The following GALNT5 variants were observed in gnomAD, a reference collection of about 807,000 sequenced individuals.
GALNT5 encodes the protein UDP-GalNAc:polypeptide N-acetylgalactosaminyltransferase 5.
Under a neutral mutation model 85.4 loss-of-function variants are expected in GALNT5, and 72 were observed. The ratio of observed to expected loss-of-function variants is 0.84; its 90% CI spans 0.70 to 1.03. The LOEUF (loss-of-function observed/expected upper bound fraction) is 1.03. Ranked by LOEUF, GALNT5 falls within the 50% of genes least tolerant of loss-of-function variation. The pLI is 0.00. For missense variants in GALNT5, 1,137 were observed against 1,135.5 expected, an observed-to-expected ratio of 1.00 and a Z score of -0.02; for synonymous variants, 404 against 397.0, an observed-to-expected ratio of 1.02 and a Z score of -0.21.
intron 6 of GALNT5, among the ~76,000 whole-genome samples, chr2:157,300,205 T>A (rs1558902603): frequency 6.6e-6 from 1 of 152,208 alleles, no homozygotes; most frequent in African/African-American, 2.4e-5. Context: ...CAAAAAGTAA[T>A]TGCTTTCCTA....
At chr2:157,265,954 G>T (rs555819359) in intron 1 of GALNT5, among the ~76,000 whole-genome samples, 2 of 152,260 alleles carry the variant, frequency 1.3e-5, no homozygotes, top group Admixed American at 1.3e-4. Context: ...GTTTACAAAG[G>T]CTTCACAACT....
chr2:157,274,485 G>C (rs1682673609), intron 1 of GALNT5, among the ~76,000 whole-genome samples: 1 of 152,192 alleles, frequency 6.6e-6, no homozygotes, highest in Non-Finnish European at 1.5e-5. Context: ...ATCCTCTCCA[G>C]CATCTGTTGT....
In GALNT5 at chr2:157,262,207, T is replaced by TAA. The variant is rs535714685; in HGVS notation, c.1454+2688_1454+2689dup. 1.2e-3 allele frequency among the ~76,000 whole-genome samples: 117 copies of TAA among 97,840 alleles called. No individual in the cohort carries two copies. The East Asian group carries it at 0.012, about 10-fold the overall frequency. 64.2% of individuals were successfully genotyped at this position (97,840 alleles called of 152,430 possible). A position where few individuals can be genotyped will look rare whatever the true frequency, so the allele number is the denominator to read the frequency against. ...TTGATACAGAATGAACCAAAAAATG[T>TAA]AAAAAAAAAAAAAAAAAAGCGCACA... On this transcript the variant is annotated intron_variant, in intron 1 of 9. Coordinates refer to ENST00000259056, the MANE Select transcript of GALNT5 (RefSeq NM_014568.3).
In GALNT5 at chr2:157,311,980, T is replaced by C. The variant is rs1036065149; in HGVS notation, c.*632T>C. On this transcript the variant is annotated 3_prime_UTR_variant, in exon 10 of 10. Coordinates refer to ENST00000259056, the MANE Select transcript of GALNT5 (RefSeq NM_014568.3). ...CCAATCTGAATCAGTGGAAAAAAATTTAAGTGAGGAAGAAGAGGCCTTCAA... is the reference window on the plus strand; with the variant it reads ...CCAATCTGAATCAGTGGAAAAAAATCTAAGTGAGGAAGAAGAGGCCTTCAA... 5.3e-5 allele frequency: 8 copies of C among 152,142 alleles called. No homozygotes were observed. The highest frequency in any genetic ancestry group is 1.2e-4 in the African/African-American group (5 of 41,440). 9.4% of individuals were successfully genotyped at this position (152,142 alleles called of 1,614,324 possible).
In GALNT5 at chr2:157,308,659, C is replaced by T; in HGVS notation, c.2613C>T (p.His871=). Residue 871 remains histidine, a synonymous_variant, in exon 9 of 10, where the codon CAC becomes CAT. Transcript: ENST00000259056. ...PIPDKGAVRL[H]PCDNRNKGLK... ...CTGATAAAGGAGCCGTAAGGCTGCA[C>T]CCTTGTGATAACAGAAACAAAGGGC... The T allele has an allele frequency of 6.2e-7, 1 of 1,613,724 alleles. No homozygotes were observed. The highest frequency in any genetic ancestry group is 8.5e-7 in the Non-Finnish European group (1 of 1,179,676).
At chr2:157,297,272 G>A (rs979532778) in intron 5 of GALNT5, among the ~76,000 whole-genome samples, 2 of 152,122 alleles carry the variant, frequency 1.3e-5, no homozygotes, top group African/African-American at 2.4e-5. Context: ...AGTCATACCC[G>A]CCTTCCTTGC....
intron 1 of GALNT5, among the ~76,000 whole-genome samples, chr2:157,270,754 A>C (rs570113412): frequency 2.0e-5 from 3 of 152,320 alleles, no homozygotes; most frequent in African/African-American, 7.2e-5. Context: ...GAAGATAAGG[A>C]AATAAGATTG....
intron 8 of GALNT5, 65 bp from the exon 9 acceptor site, chr2:157,308,502 T>C: frequency 8.0e-7 from 1 of 1,243,656 alleles, no homozygotes; most frequent in Non-Finnish European, 1.1e-6. Flanking sequence ...CTAACAAAAA[T>C]GTTTGACAAA....
In GALNT5 at chr2:157,300,780, A is replaced by G. The variant is rs746313730; in HGVS notation, c.2220A>G (p.Thr740=). 3.1e-6 allele frequency: 5 copies of G among 1,613,992 alleles called. No homozygotes were observed. The highest frequency in any genetic ancestry group is 2.2e-5 in the East Asian group (1 of 44,890). The change falls in exon 7 of 10, where the codon ACA becomes ACG. Residue 740 remains threonine, a synonymous_variant. Coordinates refer to ENST00000259056, the MANE Select transcript of GALNT5 (RefSeq NM_014568.3). ...CCTTCCCCAAAGACCGGATGAAGAC[A>G]GTGGAGCGGAACTTGGTGCGGGTTG... ...PYSFPKDRMK[T]VERNLVRVAE...
intron 1 of GALNT5, among the ~76,000 whole-genome samples, chr2:157,274,497 T>C (rs952372502): frequency 1.3e-5 from 2 of 152,326 alleles, no homozygotes; most frequent in South Asian, 2.1e-4. Context: ...ATCTGTTGTT[T>C]CCTGACTTTT....
chr2:157,305,917 C>A, intron 8 of GALNT5, 88 bp downstream of exon 8: 2 of 737,510 alleles, frequency 2.7e-6, no homozygotes, highest in Non-Finnish European at 4.6e-6. Flanking sequence ...CATCTTTGCC[C>A]AACAGAAAAA....
rs1683735350 is a variant in GALNT5 at position 157,317,244 on chromosome 2, T to G, written c.*5896T>G. Among the ~76,000 whole-genome samples, 1 of 149,366 alleles carries G rather than the reference T, an allele frequency of 6.7e-6. No individual in the cohort carries two copies. The highest frequency in any genetic ancestry group is 2.4e-5 in the African/African-American group (1 of 40,862). On this transcript the variant is annotated 3_prime_UTR_variant, in exon 10 of 10. Transcript: ENST00000259056. ...ATCTGGAAGAAAGAAATATCAAGAG[T>G]TTCTATTCACAACATAAAGAAAATA...
intron 1 of GALNT5, among the ~76,000 whole-genome samples, chr2:157,275,204 C>T (rs1682694125): frequency 6.6e-6 from 1 of 152,150 alleles, no homozygotes; most frequent in African/African-American, 2.4e-5. Context: ...GTTTTGGTAC[C>T]AGTACCATGC....
At chr2:157,269,389 T>C (rs1307397549) in intron 1 of GALNT5, among the ~76,000 whole-genome samples, 1 of 152,224 alleles carries the variant, frequency 6.6e-6, no homozygotes, top group Admixed American at 6.5e-5. Context: ...GCATCTCTTT[T>C]GGGTCCCTCT....
chr2:157,286,735 C>T (rs1682982359), intron 3 of GALNT5, among the ~76,000 whole-genome samples: 1 of 152,146 alleles, frequency 6.6e-6, no homozygotes, highest in African/African-American at 2.4e-5. Context: ...GACTCCTGAA[C>T]TCGTGATCCG....
chr2:157,277,548 T>G (rs1682760629), intron 1 of GALNT5, among the ~76,000 whole-genome samples: 1 of 152,246 alleles, frequency 6.6e-6, no homozygotes, highest in Admixed American at 6.5e-5. Flanking sequence ...CTCTTCTTGT[T>G]CAACTGATCC....
At chr2:157,278,381 T>C (rs1682785219) in intron 1 of GALNT5, among the ~76,000 whole-genome samples, 1 of 152,232 alleles carries the variant, frequency 6.6e-6, no homozygotes, top group African/African-American at 2.4e-5. Context: ...TTGGGGACAT[T>C]CTCCTGGATA....
chr2:157,278,976 C>T (rs967768211), intron 1 of GALNT5, among the ~76,000 whole-genome samples: 2 of 152,192 alleles, frequency 1.3e-5, no homozygotes, highest in African/African-American at 4.8e-5. Context: ...GTCTTTGATG[C>T]TGGTGACCTA....
intron 7 of GALNT5, chr2:157,301,697 G>A (rs1439746570): frequency 1.3e-5 from 2 of 152,336 alleles, no homozygotes; most frequent in African/African-American, 4.8e-5. Context: ...CTTCTTTCCT[G>A]CCTTGCTTCC....
Sources: gnomAD v4.1 joint callset for allele counts (sites outside exome capture counted in the v4.1 genomes callset) on GRCh38, gnomAD v4.1.1 for gene constraint, MANE v1.5 for transcripts, NCBI Gene and HGNC (gene_info 2026-07-23, HGNC 2026-07-21) for gene names.